Variants in EIF2AK2 observed in about 807,000 individuals in gnomAD.
EIF2AK2 encodes the protein eukaryotic translation initiation factor 2 alpha kinase 2.
Under a neutral mutation model 70.5 loss-of-function variants are expected in EIF2AK2, and 40 were observed. That is an observed-to-expected ratio of 0.57 (90% CI 0.44 to 0.74). EIF2AK2 has a LOEUF of 0.74. Ranked by LOEUF, EIF2AK2 falls within the 30% of genes least tolerant of loss-of-function variation. EIF2AK2 has a pLI of 0.00. For missense variants in EIF2AK2, 555 were observed against 644.3 expected, an observed-to-expected ratio of 0.86 and a Z score of 1.50; for synonymous variants, 198 against 220.9, an observed-to-expected ratio of 0.90 and a Z score of 0.92.
intron 11 of EIF2AK2, 126 bp from the exon 12 acceptor site, chr2:37,122,790 GT>G: frequency 1.6e-6 from 2 of 1,226,046 alleles, no homozygotes; most frequent in Non-Finnish European, 1.1e-6. Context: ...TTCTCACATA[GT>G]TTTAGAATGG....
rs975135703 is a variant in EIF2AK2 at position 37,148,138 on chromosome 2, C to T, written c.-16-316G>A. On this transcript the variant is annotated intron_variant, in intron 2 of 16. Coordinates refer to ENST00000233057, the MANE Select transcript of EIF2AK2 (RefSeq NM_001135651.3). ...TTCGAGACCAGCCTGGGCAACATGGCGAAACCCCATCTCAATTTTGAAATT... is the reference window on the plus strand; with the variant it reads ...TTCGAGACCAGCCTGGGCAACATGGTGAAACCCCATCTCAATTTTGAAATT... 5.3e-5 allele frequency among the ~76,000 whole-genome samples: 8 copies of T among 152,054 alleles called. No homozygotes were observed. In the South Asian group the frequency reaches 1.7e-3, roughly 32 times the overall value.
rs556887251 is a variant in EIF2AK2 at position 37,120,603 on chromosome 2, G to C, written c.1068-464C>G. On this transcript the variant is annotated intron_variant, in intron 12 of 16. Coordinates refer to ENST00000233057, the MANE Select transcript of EIF2AK2 (RefSeq NM_001135651.3). The stretch of plus-strand genomic sequence containing the variant: ...AACAAATTTGAATCAAAATATAATA[G>C]GCCATTTTTTATTTCAATCATAAGT... Among the ~76,000 whole-genome samples, 20 of 148,686 alleles carry C rather than the reference G, an allele frequency of 1.3e-4. 2 individuals carry two copies.
intron 14 of EIF2AK2, among the ~76,000 whole-genome samples, chr2:37,111,938 TC>T (rs1674172291): frequency 7.3e-6 from 1 of 136,586 alleles, no homozygotes; most frequent in Non-Finnish European, 1.6e-5. Context: ...TCTCTCTCTC[TC>T]TATATATATA....
rs755331311 is a variant in EIF2AK2 at position 37,114,689 on chromosome 2, A to C, written c.1377+42T>G. 4.1e-6 allele frequency: 6 copies of C among 1,467,906 alleles called. No homozygotes were observed. In the South Asian group the frequency reaches 9.3e-5, roughly 23 times the overall value. 90.9% of individuals were successfully genotyped at this position (1,467,906 alleles called of 1,614,324 possible). A position where few individuals can be genotyped will look rare whatever the true frequency, so the allele number is the denominator to read the frequency against. On this transcript the variant is annotated intron_variant, in intron 14 of 16. Coordinates refer to ENST00000233057, the MANE Select transcript of EIF2AK2 (RefSeq NM_001135651.3). The stretch of plus-strand genomic sequence containing the variant: ...GTCTACTCTTTTTATAATTTTCAAA[A>C]TAAAAGAAGTAAAATATAGACAGAC...
Position 37,119,940 on chromosome 2 carries a change from A to G in EIF2AK2, c.1248+19T>C. The G allele has an allele frequency of 1.6e-6, 2 of 1,284,826 alleles. No individual in the cohort carries two copies. Among genetic ancestry groups the G allele is most frequent in the Non-Finnish European group, 2.0e-6 (2 of 976,570 alleles). 79.6% of individuals were successfully genotyped at this position (1,284,826 alleles called of 1,614,324 possible). ...TATATTATATATATATCAATTAATAAAGTACATTTTCCACTTACCTTAAGA... is the reference window on the plus strand; with the variant it reads ...TATATTATATATATATCAATTAATAGAGTACATTTTCCACTTACCTTAAGA... On this transcript the variant is annotated intron_variant, in intron 13 of 16. Transcript: ENST00000233057.
chr2:37,138,186 G>A lies in EIF2AK2; in HGVS notation c.687+84C>T, dbSNP rs779519094. 9 of 1,022,848 alleles carry A rather than the reference G, an allele frequency of 8.8e-6. No homozygotes were observed. In the Admixed American group the frequency reaches 2.2e-4, roughly 25 times the overall value. 63.4% of individuals were successfully genotyped at this position (1,022,848 alleles called of 1,614,324 possible). A position where few individuals can be genotyped will look rare whatever the true frequency, so the allele number is the denominator to read the frequency against. ...ATAAGATAAAAAATATAAAAATTATGGTGGAATACTGGAAGTTATTTTTAA... is the reference window on the plus strand; with the variant it reads ...ATAAGATAAAAAATATAAAAATTATAGTGGAATACTGGAAGTTATTTTTAA... On this transcript the variant is annotated intron_variant, in intron 8 of 16. Transcript: ENST00000233057.
chr2:37,103,975 C>CT lies in EIF2AK2; in HGVS notation c.*3297dup, dbSNP rs1036432291. On this transcript the variant is annotated 3_prime_UTR_variant, in exon 17 of 17. Transcript: ENST00000233057. ...TCAACATGGTGAAATTCCGTCTCTACTAAAAATAGAAAAAATTAACCTGGA... is the reference window on the plus strand; with the variant it reads ...TCAACATGGTGAAATTCCGTCTCTACTTAAAAATAGAAAAAATTAACCTGGA... The CT allele has an allele frequency of 2.6e-5, 4 of 152,098 alleles. No individual in the cohort carries two copies. Among genetic ancestry groups the CT allele is most frequent in the Non-Finnish European group, 5.9e-5 (4 of 68,020 alleles). The allele number at this position is 152,098 out of a possible 1,614,324, so 9.4% of individuals were successfully genotyped here.
At chr2:37,137,773 T>C (rs1227076957) in intron 8 of EIF2AK2, among the ~76,000 whole-genome samples, 2 of 151,776 alleles carry the variant, frequency 1.3e-5, no homozygotes, top group Non-Finnish European at 2.9e-5. Context: ...AAGACAGAAG[T>C]GACGTGTGGA....
intron 14 of EIF2AK2, among the ~76,000 whole-genome samples, chr2:37,114,400 G>A (rs980850694): frequency 1.3e-5 from 2 of 152,002 alleles, no homozygotes; most frequent in African/African-American, 2.4e-5. Flanking sequence ...GTTAAAAAAA[G>A]AATGTGGCAG....
rs1283897631 is a variant in EIF2AK2 at position 37,104,161 on chromosome 2, AC to A, written c.*3111del. On this transcript the variant is annotated 3_prime_UTR_variant, in exon 17 of 17. Transcript: ENST00000233057. ...TCTCAAAACAAACAAACAAACAAAA[AC>A]AAAATAAAACAAAACAAAAAGACAT... 6.6e-6 allele frequency: 1 copy of A among 151,480 alleles called. No homozygotes were observed. Among genetic ancestry groups the A allele is most frequent in the Non-Finnish European group, 1.5e-5 (1 of 67,798 alleles). 9.4% of individuals were successfully genotyped at this position (151,480 alleles called of 1,614,324 possible). A position where few individuals can be genotyped will look rare whatever the true frequency, so the allele number is the denominator to read the frequency against.
chr2:37,149,985 T>A (rs1048240395), intron 1 of EIF2AK2, among the ~76,000 whole-genome samples: 2 of 152,114 alleles, frequency 1.3e-5, no homozygotes, highest in African/African-American at 4.8e-5. Flanking sequence ...GAAGTGAAAT[T>A]TGAATCAAAC....
intron 12 of EIF2AK2, among the ~76,000 whole-genome samples, chr2:37,120,361 CAGG>C (rs1303555455): frequency 6.6e-6 from 1 of 151,202 alleles, no homozygotes; most frequent in Non-Finnish European, 1.5e-5. Context: ...AAAAATTAGC[CAGG>C]CGTGGTGGCG....
At chr2:37,145,843 C>T (rs149111577) in intron 4 of EIF2AK2, among the ~76,000 whole-genome samples, 4,401 of 143,814 alleles carry the variant, frequency 0.031, 95 homozygotes, top group Middle Eastern at 0.061. Flanking sequence ...ACCTCCTTCT[C>T]CCGGGTTCAA....
At chr2:37,131,542 T>G (rs1466533125) in intron 10 of EIF2AK2, among the ~76,000 whole-genome samples, 2 of 152,124 alleles carry the variant, frequency 1.3e-5, no homozygotes, top group Non-Finnish European at 2.9e-5. Flanking sequence ...CATTCAACCC[T>G]CCATCTCTCT....
At chr2:37,142,930 A>G (rs567837499) in intron 4 of EIF2AK2, among the ~76,000 whole-genome samples, 1 of 152,228 alleles carries the variant, frequency 6.6e-6, no homozygotes, top group African/African-American at 2.4e-5. Flanking sequence ...CAGTACTTTC[A>G]TAAGAATCAA....
At chr2:37,125,663 A>T (rs1296689305) in intron 11 of EIF2AK2, among the ~76,000 whole-genome samples, 2 of 152,220 alleles carry the variant, frequency 1.3e-5, no homozygotes, top group Non-Finnish European at 2.9e-5. Flanking sequence ...CCAGCCTAAG[A>T]TAGGCTGTAG....
chr2:37,142,048 G>T (rs1367779113), intron 4 of EIF2AK2, among the ~76,000 whole-genome samples: 1 of 152,144 alleles, frequency 6.6e-6, no homozygotes, highest in Non-Finnish European at 1.5e-5. Context: ...TAATGAAAAA[G>T]ATGAATATAA....
intron 1 of EIF2AK2, chr2:37,149,412 C>A (rs1675666588): frequency 6.2e-6 from 3 of 486,284 alleles, no homozygotes; most frequent in Admixed American, 6.9e-5. Flanking sequence ...TTTAAAAGCA[C>A]CTCAATGTGC....
rs908833964 is a variant in EIF2AK2, at chr2:37,106,448, G to C, written c.*825C>G. 1 of 151,944 alleles carries C rather than the reference G, an allele frequency of 6.6e-6. No individual in the cohort carries two copies. Among genetic ancestry groups the C allele is most frequent in the Non-Finnish European group, 1.5e-5 (1 of 68,006 alleles). 9.4% of individuals were successfully genotyped at this position (151,944 alleles called of 1,614,324 possible). A position where few individuals can be genotyped will look rare whatever the true frequency, so the allele number is the denominator to read the frequency against. ...CCTGTTCTTTTGGCTATTATAAACAGGGTTTTATGGACATTCTTGTAAGCA... is the reference window on the plus strand; with the variant it reads ...CCTGTTCTTTTGGCTATTATAAACACGGTTTTATGGACATTCTTGTAAGCA... On this transcript the variant is annotated 3_prime_UTR_variant, in exon 17 of 17. Coordinates refer to ENST00000233057, the MANE Select transcript of EIF2AK2 (RefSeq NM_001135651.3).
Sources: gnomAD v4.1 joint callset for allele counts (sites outside exome capture counted in the v4.1 genomes callset) on GRCh38, gnomAD v4.1.1 for gene constraint, MANE v1.5 for transcripts, NCBI Gene and HGNC (gene_info 2026-07-23, HGNC 2026-07-21) for gene names.